The following FAM110B variants were observed in gnomAD, a reference collection of about 807,000 sequenced individuals.
FAM110B encodes the protein protein FAM110B.
In FAM110B, 6 loss-of-function variants were observed where a neutral mutation model predicts 20.4. The ratio of observed to expected loss-of-function variants is 0.29; its 90% CI spans 0.16 to 0.58. The LOEUF (loss-of-function observed/expected upper bound fraction) is 0.58, where lower values mean the gene tolerates loss of function less well. Among genes scored for constraint, FAM110B ranks in the 20% least tolerant of loss-of-function variants. FAM110B has a pLI of 0.90. For synonymous variants in FAM110B, 226 were observed against 214.1 expected (o/e 1.06, Z -0.49); for missense variants, 434 against 498.2 (o/e 0.87, Z 1.23).
chr8:58,019,364 AAG>A (rs1491091257), intron 1 of FAM110B, among the ~76,000 whole-genome samples: 81 of 104,004 alleles, frequency 7.8e-4, no homozygotes, highest in African/African-American at 4.0e-3. Context: ...AAAAAAAGGA[AAG>A]AAAGAAAGAA....
intron 3 of FAM110B, among the ~76,000 whole-genome samples, chr8:58,122,138 T>G (rs1308070340): frequency 6.6e-6 from 1 of 152,200 alleles, no homozygotes; most frequent in Non-Finnish European, 1.5e-5. Context: ...ATGATTATTA[T>G]CTCTTAAAAA....
intron 3 of FAM110B, among the ~76,000 whole-genome samples, chr8:58,109,367 G>C (rs1362789851): frequency 6.6e-6 from 1 of 152,028 alleles, no homozygotes; most frequent in African/African-American, 2.4e-5. Context: ...ATAAATTTTT[G>C]CTATACAAAT....
At chr8:58,059,992 T>C (rs1173415002) in intron 2 of FAM110B, among the ~76,000 whole-genome samples, 1 of 152,234 alleles carries the variant, frequency 6.6e-6, no homozygotes, top group East Asian at 1.9e-4. Flanking sequence ...TTGAAAATAC[T>C]TTAAATTTTT....
At chr8:58,134,112 A>G (rs1803555214) in intron 3 of FAM110B, among the ~76,000 whole-genome samples, 1 of 152,254 alleles carries the variant, frequency 6.6e-6, no homozygotes, top group Non-Finnish European at 1.5e-5. Flanking sequence ...GTCTGAATCC[A>G]CAGAAGTGAA....
intron 1 of FAM110B, among the ~76,000 whole-genome samples, chr8:58,008,220 C>T (rs978410955): frequency 2.0e-5 from 3 of 151,118 alleles, no homozygotes; most frequent in Non-Finnish European, 2.9e-5. Context: ...GCAACCTCCA[C>T]CTTCCGGGTT....
chr8:58,121,957 A>G (rs1052275019), intron 3 of FAM110B, among the ~76,000 whole-genome samples: 4 of 152,036 alleles, frequency 2.6e-5, no homozygotes, highest in East Asian at 3.9e-4. Context: ...CTTGGATCTC[A>G]TATCTCTTTC....
intron 2 of FAM110B, among the ~76,000 whole-genome samples, chr8:58,073,596 G>GT (rs1449503511): frequency 6.6e-6 from 1 of 152,164 alleles, no homozygotes; most frequent in Non-Finnish European, 1.5e-5. Flanking sequence ...GGGAATTGAA[G>GT]TTTTCTTTAA....
At chr8:58,069,785 A>G (rs1805847859) in intron 2 of FAM110B, among the ~76,000 whole-genome samples, 2 of 152,150 alleles carry the variant, frequency 1.3e-5, no homozygotes, top group Admixed American at 6.5e-5. Flanking sequence ...TAGCACCACT[A>G]TTATTTTCAC....
In FAM110B at chr8:58,055,184, G is replaced by A. The variant is rs138864475; in HGVS notation, c.-413-20351G>A. On this transcript the variant is annotated intron_variant, in intron 2 of 3. Coordinates refer to ENST00000519262, the MANE Select transcript of FAM110B (RefSeq NM_001377989.1). ...CCAGTGGAGCTTACCTTGTCACTGC[G>A]GCGAGTTAGCAGTGGGGTCAGAGAG... is the stretch of plus-strand genomic sequence containing the variant. Among the ~76,000 whole-genome samples, 204 of 152,244 alleles carry A rather than the reference G, an allele frequency of 1.3e-3. 1 individual carries two copies. The highest frequency in any genetic ancestry group is 4.2e-3 in the African/African-American group (173 of 41,546).
chr8:58,097,911 T>G (rs1008726340), intron 3 of FAM110B, among the ~76,000 whole-genome samples: 3 of 152,354 alleles, frequency 2.0e-5, no homozygotes, highest in Admixed American at 6.5e-5. Flanking sequence ...CAAAGATTGC[T>G]GCCTGTTCCT....
At chr8:58,055,657 C>G (rs1403480435) in intron 2 of FAM110B, among the ~76,000 whole-genome samples, 3 of 152,110 alleles carry the variant, frequency 2.0e-5, no homozygotes, top group Non-Finnish European at 4.4e-5. Flanking sequence ...CTTTTTTCTT[C>G]TAAGGTGCAC....
chr8:58,069,459 C>T (rs762910277), intron 2 of FAM110B, among the ~76,000 whole-genome samples: 2 of 152,184 alleles, frequency 1.3e-5, no homozygotes, highest in African/African-American at 2.4e-5. Context: ...GCTGTGAGAA[C>T]GCATGTTTTT....
chr8:58,007,338 A>G (rs1354618657), intron 1 of FAM110B, among the ~76,000 whole-genome samples: 2 of 152,188 alleles, frequency 1.3e-5, no homozygotes, highest in Non-Finnish European at 2.9e-5. Flanking sequence ...CACTTTGTGT[A>G]TCGGATCACG....
intron 2 of FAM110B, among the ~76,000 whole-genome samples, chr8:58,034,584 A>G (rs112805335): frequency 2.9e-4 from 44 of 152,292 alleles, no homozygotes; most frequent in East Asian, 2.5e-3. Context: ...TGTTTACTTG[A>G]TGTGCCAGCC....
intron 2 of FAM110B, among the ~76,000 whole-genome samples, chr8:58,053,497 T>C (rs193174622): frequency 8.8e-4 from 134 of 152,310 alleles, no homozygotes; most frequent in Admixed American, 1.9e-3. Flanking sequence ...TTTGAGATGC[T>C]AATGACATGC....
chr8:58,133,626 A>G (rs908745696), intron 3 of FAM110B, among the ~76,000 whole-genome samples: 1 of 152,118 alleles, frequency 6.6e-6, no homozygotes, highest in Admixed American at 6.5e-5. Flanking sequence ...TCCAGGAGAG[A>G]GCGCAGAATG....
chr8:58,131,820 G>C (rs1010621895), intron 3 of FAM110B, among the ~76,000 whole-genome samples: 1 of 152,168 alleles, frequency 6.6e-6, no homozygotes, highest in Non-Finnish European at 1.5e-5. Context: ...GGGGTGTCCT[G>C]CCTTCTAGTT....
chr8:58,022,721 G>A (rs1255879744), intron 1 of FAM110B, among the ~76,000 whole-genome samples: 1 of 152,178 alleles, frequency 6.6e-6, no homozygotes, highest in Admixed American at 6.5e-5. Context: ...TGCTTATTAA[G>A]GAGATGAATA....
At chr8:58,118,882 G>A (rs1045189412) in intron 3 of FAM110B, among the ~76,000 whole-genome samples, 4 of 152,140 alleles carry the variant, frequency 2.6e-5, no homozygotes, top group Admixed American at 6.5e-5. Context: ...AACCATATTC[G>A]TGCTGCTGGC....
Sources: gnomAD v4.1 joint callset for allele counts (sites outside exome capture counted in the v4.1 genomes callset) on GRCh38, gnomAD v4.1.1 for gene constraint, MANE v1.5 for transcripts, NCBI Gene and HGNC (gene_info 2026-07-23, HGNC 2026-07-21) for gene names.